GPHN: variants seen among roughly 807,000 people sequenced by gnomAD.
GPHN encodes gephyrin.
A neutral mutation model predicts 95.5 loss-of-function variants in GPHN; 17 were observed. The ratio of observed to expected loss-of-function variants is 0.18; its 90% CI spans 0.12 to 0.27. The LOEUF (loss-of-function observed/expected upper bound fraction) is 0.27, where lower values mean the gene tolerates loss of function less well. Ranked by LOEUF, GPHN falls within the 10% of genes least tolerant of loss-of-function variation. GPHN has a pLI of 1.00. For missense variants in GPHN, 660 were observed against 978.1 expected, an observed-to-expected ratio of 0.67 and a Z score of 4.34; for synonymous variants, 320 against 322.5, an observed-to-expected ratio of 0.99 and a Z score of 0.08.
the GPHN span, among the ~76,000 whole-genome samples, chr14:67,497,226 G>A: frequency 1.8e-3 from 279 of 152,288 alleles, 2 homozygotes; most frequent in African/African-American, 6.4e-3. Flanking sequence ...CTGGGGTCAC[G>A]GGAGGGCAGC....
chr14:67,055,266 A>G (rs2075504670), intron 10 of GPHN, among the ~76,000 whole-genome samples: 1 of 152,266 alleles, frequency 6.6e-6, no homozygotes, highest in Admixed American at 6.5e-5. Context: ...GGATATGTAC[A>G]GACACTTCTC....
chr14:66,983,100 A>T (rs1411363422), intron 9 of GPHN, among the ~76,000 whole-genome samples: 1 of 152,066 alleles, frequency 6.6e-6, no homozygotes, highest in Non-Finnish European at 1.5e-5. Context: ...AAAAATATAA[A>T]AATTAGCCAG....
At chr14:67,109,051 A>G (rs2078214507) in intron 13 of GPHN, among the ~76,000 whole-genome samples, 2 of 152,284 alleles carry the variant, frequency 1.3e-5, no homozygotes, top group South Asian at 4.1e-4. Flanking sequence ...TGTGACCTGT[A>G]GCTCCGAGGC....
the GPHN span, among the ~76,000 whole-genome samples, chr14:67,675,816 C>T: frequency 1.3e-5 from 2 of 151,412 alleles, no homozygotes; most frequent in East Asian, 2.0e-4. Flanking sequence ...CCTGTCTTCA[C>T]GTCGGGCATG....
the GPHN span, chr14:67,574,449 T>A: frequency 7.1e-7 from 1 of 1,415,152 alleles, no homozygotes; most frequent in Non-Finnish European, 9.3e-7. This position sits in a 1 kb window ranked among gnomAD's most constrained non-coding sequence, Gnocchi z 4.2. Context: ...CTCCTGCGAA[T>A]CAGGGGAGCC....
At chr14:67,034,499 T>G (rs75514498) in intron 10 of GPHN, among the ~76,000 whole-genome samples, 2,833 of 152,126 alleles carry the variant, frequency 0.019, 37 homozygotes, top group African/African-American at 0.026. Context: ...CAAAGTGAAT[T>G]AATGGATTAA....
the GPHN span, among the ~76,000 whole-genome samples, chr14:67,461,380 T>C: frequency 1.3e-5 from 2 of 152,182 alleles, no homozygotes; most frequent in Non-Finnish European, 2.9e-5. Context: ...GCCTGGGGTA[T>C]TGAATCTTTG....
the GPHN span, chr14:67,579,649 G>T: frequency 6.8e-7 from 1 of 1,464,594 alleles, no homozygotes; most frequent in Non-Finnish European, 9.3e-7. Context: ...GCTGTATCCA[G>T]ACACCTCCAC....
At chr14:67,477,117 G>A in the GPHN span, among the ~76,000 whole-genome samples, 21 of 150,220 alleles carry the variant, frequency 1.4e-4, no homozygotes, top group South Asian at 6.3e-4. Flanking sequence ...AGTGAGTCGC[G>A]ATCGCACCAT....
intron 2 of GPHN, among the ~76,000 whole-genome samples, chr14:66,753,750 G>T (rs1471611982): frequency 6.6e-6 from 1 of 151,984 alleles, no homozygotes; most frequent in Non-Finnish European, 1.5e-5. Context: ...CTTATTTTAA[G>T]TGCACAATTC....
chr14:67,210,535 C>T, the GPHN span, among the ~76,000 whole-genome samples: 2 of 152,120 alleles, frequency 1.3e-5, no homozygotes, highest in African/African-American at 4.8e-5. Flanking sequence ...TATTTTATTT[C>T]TATAGTCTGG....
chr14:66,567,966 T>C (rs2060527621), intron 1 of GPHN, among the ~76,000 whole-genome samples: 1 of 152,156 alleles, frequency 6.6e-6, no homozygotes, highest in Non-Finnish European at 1.5e-5. Flanking sequence ...AGTCAGTAAA[T>C]GAAGAGTACG....
chr14:67,688,273 C>T, the GPHN span, among the ~76,000 whole-genome samples: 1 of 152,198 alleles, frequency 6.6e-6, no homozygotes, highest in African/African-American at 2.4e-5. Context: ...AATTAAACAG[C>T]CACAACAAAA....
chr14:67,393,389 T>C, the GPHN span: 2 of 686,866 alleles, frequency 2.9e-6, no homozygotes, highest in Non-Finnish European at 5.4e-6. Flanking sequence ...AAGCAGCCTT[T>C]TGAATGGCAA....
the GPHN span, chr14:67,651,054 A>T: frequency 9.1e-7 from 1 of 1,101,440 alleles, no homozygotes; most frequent in South Asian, 1.5e-5. Flanking sequence ...TCACAATTGT[A>T]AAGTTTCCCC....
At chr14:66,994,747 A>G (rs1450966995) in intron 9 of GPHN, among the ~76,000 whole-genome samples, 1 of 152,218 alleles carries the variant, frequency 6.6e-6, no homozygotes, top group Non-Finnish European at 1.5e-5. Flanking sequence ...AAAGAAATTC[A>G]GATATGTGTA....
intron 6 of GPHN, among the ~76,000 whole-genome samples, chr14:66,920,714 A>G (rs1357836685): frequency 6.6e-6 from 1 of 151,176 alleles, no homozygotes; most frequent in Non-Finnish European, 1.5e-5. Context: ...ACACTGCACC[A>G]TATTTGTTGT....
intron 9 of GPHN, among the ~76,000 whole-genome samples, chr14:67,022,541 C>CTTTTTTTTTT (rs1214143019): frequency 5.3e-5 from 1 of 18,900 alleles, no homozygotes; most frequent in Non-Finnish European, 1.1e-4. Context: ...ATTATTTTTC[C>CTTTTTTTTTT]TTTTTTTTTT....
At chr14:67,124,607 C>G (rs538318618) in intron 17 of GPHN, among the ~76,000 whole-genome samples, 6 of 152,100 alleles carry the variant, frequency 3.9e-5, no homozygotes, top group Non-Finnish European at 7.4e-5. Flanking sequence ...TTTGAAAACA[C>G]AAAGATAAGG....
Sources: gnomAD v4.1 joint callset for allele counts (sites outside exome capture counted in the v4.1 genomes callset) on GRCh38, gnomAD v4.1.1 for gene constraint, Gnocchi (gnomAD v3.1) non-coding constraint, MANE v1.5 for transcripts, NCBI Gene and HGNC (gene_info 2026-07-23, HGNC 2026-07-21) for gene names.